The following CSMD1 variants were observed in gnomAD, a reference collection of about 807,000 sequenced individuals.
CSMD1 encodes CUB and sushi domain-containing protein 1.
In CSMD1, 213 loss-of-function variants were observed where a neutral mutation model predicts 417.5. The ratio of observed to expected loss-of-function variants is 0.51; its 90% CI spans 0.46 to 0.57. The LOEUF (loss-of-function observed/expected upper bound fraction) is 0.57, where lower values mean the gene tolerates loss of function less well. Ranked by LOEUF, CSMD1 falls within the 20% of genes least tolerant of loss-of-function variation. CSMD1 has a pLI of 0.00. For synonymous variants in CSMD1, 2,862 were observed against 1,736.8 expected (o/e 1.65, Z -16.11); for missense variants, 6,923 against 4,529.7 (o/e 1.53, Z -15.17).
intron 2 of CSMD1, among the ~76,000 whole-genome samples, chr8:4,532,966 C>A (rs963424722): frequency 2.0e-5 from 3 of 152,052 alleles, no homozygotes; most frequent in African/African-American, 7.2e-5. Flanking sequence ...AATCCTGCAC[C>A]GTCATTCACA....
chr8:4,963,785 T>A (rs1809673772), intron 1 of CSMD1, among the ~76,000 whole-genome samples: 1 of 152,144 alleles, frequency 6.6e-6, no homozygotes, highest in Non-Finnish European at 1.5e-5. Flanking sequence ...CATGGCAACG[T>A]CAAAATGGTA....
intron 4 of CSMD1, among the ~76,000 whole-genome samples, chr8:4,016,132 A>C (rs371729360): frequency 2.0e-5 from 3 of 152,280 alleles, no homozygotes; most frequent in East Asian, 3.9e-4. Flanking sequence ...AGTTCATATA[A>C]AACATTTTAG....
intron 3 of CSMD1, among the ~76,000 whole-genome samples, chr8:4,219,025 G>A (rs760841029): frequency 1.3e-5 from 2 of 152,092 alleles, no homozygotes; most frequent in East Asian, 1.9e-4. Context: ...CACACTTTGT[G>A]TCATTTCCCA....
chr8:4,163,251 G>T (rs895575184), intron 3 of CSMD1, among the ~76,000 whole-genome samples: 2 of 152,118 alleles, frequency 1.3e-5, no homozygotes, highest in African/African-American at 4.8e-5. Flanking sequence ...TAAATAACAA[G>T]GAGTGTGCTT....
chr8:3,500,425 C>G (rs929261958), intron 10 of CSMD1, among the ~76,000 whole-genome samples: 3 of 152,078 alleles, frequency 2.0e-5, no homozygotes, highest in Non-Finnish European at 4.4e-5. Flanking sequence ...CACGACCAGA[C>G]ACACAGAAAT....
intron 17 of CSMD1, among the ~76,000 whole-genome samples, chr8:3,388,877 T>A (rs1259991219): frequency 1.4e-5 from 2 of 145,726 alleles, no homozygotes; most frequent in South Asian, 2.2e-4. Flanking sequence ...TCTCTCTACA[T>A]ACACACCACA....
intron 3 of CSMD1, among the ~76,000 whole-genome samples, chr8:4,377,428 A>C (rs895378839): frequency 3.9e-5 from 6 of 152,146 alleles, no homozygotes; most frequent in Non-Finnish European, 8.8e-5. Flanking sequence ...TTCAATGCGA[A>C]GTGAGAGGTT....
chr8:3,276,112 G>C (rs1802269781), intron 26 of CSMD1, among the ~76,000 whole-genome samples: 1 of 152,106 alleles, frequency 6.6e-6, no homozygotes, highest in Non-Finnish European at 1.5e-5. Context: ...TTTTTGGTGT[G>C]GATGTCATTT....
At chr8:4,444,821 C>G (rs1798687410) in intron 2 of CSMD1, among the ~76,000 whole-genome samples, 3 of 152,216 alleles carry the variant, frequency 2.0e-5, no homozygotes, top group African/African-American at 7.2e-5. Context: ...GTGACCTCAG[C>G]CACAAGCCTT....
intron 2 of CSMD1, among the ~76,000 whole-genome samples, chr8:4,609,225 C>G (rs1444580752): frequency 6.6e-6 from 1 of 152,050 alleles, no homozygotes; most frequent in South Asian, 2.1e-4. Flanking sequence ...GATGGTGAAA[C>G]CCTGTATCTA....
At chr8:3,341,108 A>G (rs1585024628) in intron 23 of CSMD1, among the ~76,000 whole-genome samples, 1 of 152,212 alleles carries the variant, frequency 6.6e-6, no homozygotes, top group Non-Finnish European at 1.5e-5. Flanking sequence ...GTGATGCTGG[A>G]TGCCGGGGAG....
chr8:3,533,345 T>C (rs949362464), intron 10 of CSMD1, among the ~76,000 whole-genome samples: 15 of 152,306 alleles, frequency 9.8e-5, no homozygotes, highest in Middle Eastern at 3.4e-3. Context: ...CTAGAACTTA[T>C]TCATCTTACA....
At chr8:3,722,841 T>A (rs1298408227) in intron 6 of CSMD1, among the ~76,000 whole-genome samples, 2 of 152,196 alleles carry the variant, frequency 1.3e-5, no homozygotes, top group Non-Finnish European at 2.9e-5. Context: ...ATGTTTGAGA[T>A]TCCCCGATTT....
At chr8:3,254,203 C>T (rs1468658247) in intron 26 of CSMD1, among the ~76,000 whole-genome samples, 2 of 152,126 alleles carry the variant, frequency 1.3e-5, no homozygotes, top group South Asian at 4.1e-4. Flanking sequence ...AATATTGGCC[C>T]CCACTCTCTT....
chr8:3,378,432 A>C (rs1034199276), intron 18 of CSMD1, among the ~76,000 whole-genome samples: 8 of 152,178 alleles, frequency 5.3e-5, no homozygotes, highest in African/African-American at 1.9e-4. Context: ...AAAACCTGGC[A>C]AAGGCACAGC....
intron 3 of CSMD1, among the ~76,000 whole-genome samples, chr8:4,179,270 G>T (rs893218162): frequency 2.0e-5 from 3 of 152,010 alleles, no homozygotes. Context: ...CAGAAATAAT[G>T]CCACGTATCT....
intron 3 of CSMD1, among the ~76,000 whole-genome samples, chr8:4,228,493 C>A (rs1019422406): frequency 6.6e-6 from 1 of 152,006 alleles, no homozygotes; most frequent in Non-Finnish European, 1.5e-5. Flanking sequence ...CCTCCCCCAA[C>A]TGTCTCTGGT....
chr8:3,978,419 T>C (rs891129103), intron 5 of CSMD1, among the ~76,000 whole-genome samples: 1 of 152,214 alleles, frequency 6.6e-6, no homozygotes, highest in Non-Finnish European at 1.5e-5. Context: ...ATATTTTTTT[T>C]CTATTCATAC....
At chr8:4,223,446 C>G (rs1801163505) in intron 3 of CSMD1, among the ~76,000 whole-genome samples, 1 of 152,222 alleles carries the variant, frequency 6.6e-6, no homozygotes, top group Admixed American at 6.5e-5. Flanking sequence ...AATAGGCTGA[C>G]TGCTGGCCCA....
Sources: gnomAD v4.1 joint callset for allele counts (sites outside exome capture counted in the v4.1 genomes callset) on GRCh38, gnomAD v4.1.1 for gene constraint, MANE v1.5 for transcripts, NCBI Gene and HGNC (gene_info 2026-07-23, HGNC 2026-07-21) for gene names.